Variants in IHO1 observed in about 807,000 individuals in gnomAD.
The protein encoded by IHO1 is interactor of HORMAD1 1.
Under a neutral mutation model 31.0 loss-of-function variants are expected in IHO1, and 13 were observed. The observed-to-expected ratio is 0.42, with a 90% CI of 0.27 to 0.67. The LOEUF (loss-of-function observed/expected upper bound fraction) is 0.67. Among genes scored for constraint, IHO1 ranks in the 30% least tolerant of loss-of-function variants. IHO1 has a pLI of 0.24. For synonymous variants in IHO1, 221 were observed against 248.4 expected, an observed-to-expected ratio of 0.89 and a Z score of 1.04; for missense variants, 599 against 687.5, an observed-to-expected ratio of 0.87 and a Z score of 1.44.
chr3:49,222,447 G>A (rs1292157554), intron 2 of IHO1, among the ~76,000 whole-genome samples: 8 of 152,130 alleles, frequency 5.3e-5, no homozygotes, highest in Non-Finnish European at 1.2e-4. Flanking sequence ...TGGAACACGA[G>A]ATCATTTTAT....
chr3:49,246,415 C>A (rs948405654), intron 6 of IHO1, among the ~76,000 whole-genome samples: 4 of 151,912 alleles, frequency 2.6e-5, no homozygotes, highest in Non-Finnish European at 4.4e-5. Flanking sequence ...GAGGCTAAGG[C>A]GGGAGGATCA....
Position 49,244,719 on chromosome 3 carries a change from CTG to C in IHO1, c.521_522del (p.Val174GlyfsTer13). ...CAATCTATTTTGGATTCTTTGGAGA[CTG>C]TGGCCAAGACATGTGAGTGCCTCAT... On this transcript the variant is annotated frameshift_variant, in exon 6 of 8. Transcript: ENST00000452691. LOFTEE classifies it high-confidence loss of function. 1 of 1,614,098 alleles carries C rather than the reference CTG, an allele frequency of 6.2e-7. No individual in the cohort carries two copies. Among genetic ancestry groups the C allele is most frequent in the South Asian group, 1.1e-5 (1 of 91,090 alleles).
intron 6 of IHO1, among the ~76,000 whole-genome samples, chr3:49,246,327 A>G (rs544366236): frequency 6.6e-6 from 1 of 151,968 alleles, no homozygotes; most frequent in Non-Finnish European, 1.5e-5. Context: ...ACCCAAGGAA[A>G]GTACTCTGTT....
In IHO1 at chr3:49,250,700, G is replaced by C. The variant is rs911306622; in HGVS notation, c.533-4690G>C. Among the ~76,000 whole-genome samples, 5 of 152,122 alleles carry C rather than the reference G, an allele frequency of 3.3e-5. No individual in the cohort carries two copies. In the South Asian group the frequency reaches 1.0e-3, roughly 32 times the overall value. On this transcript the variant is annotated intron_variant, in intron 6 of 7. Coordinates refer to ENST00000452691, the MANE Select transcript of IHO1 (RefSeq NM_001135197.2). ...TTGATTGACACATGGAATTGAACTT[G>C]TACCTGTGGTGAGAAATATGGGAAA...
intron 6 of IHO1, among the ~76,000 whole-genome samples, chr3:49,251,950 G>A (rs377239765): frequency 9.9e-5 from 15 of 152,090 alleles, no homozygotes; most frequent in Non-Finnish European, 1.5e-4. Flanking sequence ...TCCTGCCTCA[G>A]CCTCCCGAGT....
chr3:49,242,158 G>A (rs940159236), intron 4 of IHO1, among the ~76,000 whole-genome samples: 20 of 152,144 alleles, frequency 1.3e-4, no homozygotes, highest in African/African-American at 4.6e-4. Context: ...GGCCAGGCTG[G>A]TCACGAACTC....
At chr3:49,208,068 G>A (rs2046163455) in intron 1 of IHO1, among the ~76,000 whole-genome samples, 1 of 152,152 alleles carries the variant, frequency 6.6e-6, no homozygotes, top group African/African-American at 2.4e-5. Context: ...CACTGTGCCC[G>A]GCCAAATTTC....
chr3:49,226,719 G>C (rs950080994), intron 2 of IHO1, among the ~76,000 whole-genome samples: 10 of 152,170 alleles, frequency 6.6e-5, no homozygotes, highest in African/African-American at 2.4e-4. Flanking sequence ...TTCATTAAAG[G>C]CCAGGGTTTG....
chr3:49,200,334 G>T lies in IHO1; in HGVS notation c.-16+761G>T, dbSNP rs956841967. Among the ~76,000 whole-genome samples, 7 of 151,754 alleles carry T rather than the reference G, an allele frequency of 4.6e-5. 1 individual carries two copies. Among genetic ancestry groups the T allele is most frequent in the Admixed American group, 2.6e-4 (4 of 15,218 alleles). On this transcript the variant is annotated intron_variant, in intron 1 of 7. Coordinates refer to ENST00000452691, the MANE Select transcript of IHO1 (RefSeq NM_001135197.2). ...ACAAAAATTAGCAGGGCGTGGTGGC[G>T]CATGCCTGTAATCCCAGCTACTTGG...
At chr3:49,205,037 A>T (rs2046117189) in intron 1 of IHO1, among the ~76,000 whole-genome samples, 1 of 152,070 alleles carries the variant, frequency 6.6e-6, no homozygotes, top group East Asian at 1.9e-4. Context: ...CAAAAAAAAA[A>T]AAAGAACGAA....
In IHO1 at chr3:49,234,622, C is replaced by T. The variant is rs151084643; in HGVS notation, c.57-1926C>T. ...TGTTACAATGATACCATCATAGCAA[C>T]ATATGAATTTGTGGGGGACACATCC... On this transcript the variant is annotated intron_variant, in intron 2 of 7. Transcript: ENST00000452691. Among the ~76,000 whole-genome samples, 64 of 152,162 alleles carry T rather than the reference C, an allele frequency of 4.2e-4. 2 individuals carry two copies. In the East Asian group the frequency reaches 0.012, roughly 28 times the overall value.
At chr3:49,249,597 G>A (rs537778519) in intron 6 of IHO1, among the ~76,000 whole-genome samples, 3 of 152,188 alleles carry the variant, frequency 2.0e-5, no homozygotes, top group Admixed American at 2.0e-4. Flanking sequence ...TTTTAGAATG[G>A]GAAAAGCCTT....
chr3:49,223,473 C>T (rs1291189852), intron 2 of IHO1, among the ~76,000 whole-genome samples: 1 of 152,020 alleles, frequency 6.6e-6, no homozygotes, highest in Non-Finnish European at 1.5e-5. Flanking sequence ...GGGCGGATCA[C>T]GAGGTCAGGA....
chr3:49,192,415 G>T, the IHO1 span, among the ~76,000 whole-genome samples: 2 of 152,174 alleles, frequency 1.3e-5, no homozygotes, highest in African/African-American at 4.8e-5. Flanking sequence ...TCTCTTATTT[G>T]TAAAAGAGGG....
At chr3:49,234,431 C>T (rs746123436) in intron 2 of IHO1, among the ~76,000 whole-genome samples, 2 of 151,736 alleles carry the variant, frequency 1.3e-5, no homozygotes, top group African/African-American at 2.4e-5. Context: ...CTGCCCACCT[C>T]GGCCTCCCAA....
chr3:49,198,644 C>G (rs1267203835), upstream of IHO1: 1 of 152,258 alleles, frequency 6.6e-6, no homozygotes, highest in Non-Finnish European at 1.5e-5. Context: ...CCTCAGCCTC[C>G]GAGTAGCTGG....
At chr3:49,232,450 A>G (rs2046495073) in intron 2 of IHO1, among the ~76,000 whole-genome samples, 1 of 152,250 alleles carries the variant, frequency 6.6e-6, no homozygotes, top group South Asian at 2.1e-4. Flanking sequence ...TCTGATAACA[A>G]AAAGTTGGTA....
chr3:49,256,945 CT>C lies in IHO1; in HGVS notation c.1449del (p.Val484SerfsTer43), dbSNP rs1236863177. 3 of 1,614,258 alleles carry C rather than the reference CT, an allele frequency of 1.9e-6. No homozygotes were observed. Among genetic ancestry groups the C allele is most frequent in the Non-Finnish European group, 2.5e-6 (3 of 1,180,042 alleles). On this transcript the variant is annotated frameshift_variant, in exon 8 of 8. Transcript: ENST00000452691. LOFTEE classifies it low-confidence loss of function (END_TRUNC). The surrounding 1 kb of genome is among the most constrained non-coding windows in gnomAD (Gnocchi z 4.6). The stretch of plus-strand genomic sequence containing the variant: ...TATCAGAGTCCTCAGCCTGCAATTT[CT>C]GTCCCTCAAAGCCCCTTCCTGGGGC... ...SKYQSPQPAI[S>X]VPQSPFLGQQ...
intron 2 of IHO1, among the ~76,000 whole-genome samples, chr3:49,222,752 A>C (rs1300716057): frequency 6.6e-6 from 1 of 152,124 alleles, no homozygotes; most frequent in Non-Finnish European, 1.5e-5. Context: ...TTCCTTTCAA[A>C]ATAGGAGATG....
Sources: gnomAD v4.1 joint callset for allele counts (sites outside exome capture counted in the v4.1 genomes callset) on GRCh38, gnomAD v4.1.1 for gene constraint, Gnocchi (gnomAD v3.1) non-coding constraint, MANE v1.5 for transcripts, NCBI Gene and HGNC (gene_info 2026-07-23, HGNC 2026-07-21) for gene names.